The following NMT2 variants were observed in gnomAD, a reference collection of about 807,000 sequenced individuals.
NMT2 encodes the protein N-myristoyltransferase 2.
In NMT2, 35 loss-of-function variants were observed where a neutral mutation model predicts 65.4. That is an observed-to-expected ratio of 0.54 (90% CI 0.41 to 0.71). The LOEUF is 0.71. Among genes scored for constraint, NMT2 ranks in the 30% least tolerant of loss-of-function variants. The pLI is 0.00. For missense variants in NMT2, 489 were observed against 611.3 expected (o/e 0.80, Z 2.11); for synonymous variants, 226 against 231.8 (o/e 0.98, Z 0.23).
At chr10:15,141,349 A>G in intron 2 of NMT2, 73 bp downstream of exon 2, 1 of 1,550,610 alleles carries the variant, frequency 6.4e-7, no homozygotes, top group Non-Finnish European at 8.8e-7. Flanking sequence ...CTGATGCAGC[A>G]GCGCGCTAAA....
chr10:15,151,365 C>T (rs989480630), intron 1 of NMT2, among the ~76,000 whole-genome samples: 2 of 152,206 alleles, frequency 1.3e-5, no homozygotes, highest in South Asian at 4.2e-4. Flanking sequence ...CCAGCCTCCT[C>T]CTTTCATAAT....
intron 7 of NMT2, among the ~76,000 whole-genome samples, chr10:15,129,820 A>G (rs1846211578): frequency 6.6e-6 from 1 of 151,780 alleles, no homozygotes; most frequent in East Asian, 1.9e-4. Context: ...GAGGCAGGAG[A>G]ATCACTTGAA....
chr10:15,153,905 G>GC (rs368976953), intron 1 of NMT2, among the ~76,000 whole-genome samples: 1,905 of 152,018 alleles, frequency 0.013, 23 homozygotes, highest in Non-Finnish European at 0.019. Flanking sequence ...CACCCGCCTC[G>GC]CCCCCCAAAG....
At chr10:15,158,660 C>T (rs894813996) in intron 1 of NMT2, among the ~76,000 whole-genome samples, 3 of 152,166 alleles carry the variant, frequency 2.0e-5, no homozygotes, top group Non-Finnish European at 4.4e-5. Flanking sequence ...CAGGCAGACA[C>T]GCTGTGTTCT....
chr10:15,149,887 G>A (rs1244355464), intron 1 of NMT2, among the ~76,000 whole-genome samples: 1 of 152,144 alleles, frequency 6.6e-6, no homozygotes. Context: ...TCTCATTTAT[G>A]TACTTCCTTG....
intron 1 of NMT2, among the ~76,000 whole-genome samples, chr10:15,152,965 T>C (rs1234663791): frequency 6.6e-6 from 1 of 152,232 alleles, no homozygotes; most frequent in East Asian, 1.9e-4. Context: ...TGTCTACTAA[T>C]AGGGGATGGA....
chr10:15,154,164 T>C (rs1373962344), intron 1 of NMT2, among the ~76,000 whole-genome samples: 1 of 152,182 alleles, frequency 6.6e-6, no homozygotes, highest in African/African-American at 2.4e-5. Context: ...GCAGGTGCTG[T>C]GGGATGACTT....
chr10:15,152,884 G>C (rs1359230276), intron 1 of NMT2, among the ~76,000 whole-genome samples: 1 of 152,198 alleles, frequency 6.6e-6, no homozygotes, highest in African/African-American at 2.4e-5. Flanking sequence ...ATAGTCTGGA[G>C]AGGTGATACA....
At chr10:15,121,154 TC>T (rs1166877440) in intron 8 of NMT2, among the ~76,000 whole-genome samples, 1 of 151,868 alleles carries the variant, frequency 6.6e-6, no homozygotes, top group Non-Finnish European at 1.5e-5. Flanking sequence ...ACCTGATTTT[TC>T]CCCCCCTTGG....
intron 8 of NMT2, among the ~76,000 whole-genome samples, chr10:15,126,560 T>C (rs7091710): frequency 0.24 from 36,060 of 152,096 alleles, 9,171 homozygotes; most frequent in African/African-American, 0.65. Flanking sequence ...CTTTGATGAA[T>C]AAGCTGCCAT....
intron 1 of NMT2, among the ~76,000 whole-genome samples, chr10:15,150,308 T>C (rs1336462575): frequency 6.6e-6 from 1 of 152,196 alleles, no homozygotes; most frequent in Admixed American, 6.5e-5. Context: ...AATTCGATAA[T>C]GGATTTCACC....
chr10:15,158,898 C>T (rs1833093387), intron 1 of NMT2, among the ~76,000 whole-genome samples: 1 of 152,186 alleles, frequency 6.6e-6, no homozygotes, highest in South Asian at 2.1e-4. Context: ...TTCATGGGGA[C>T]TCCACCCTTG....
At chr10:15,140,947 G>T in intron 2 of NMT2, 3 of 1,521,270 alleles carry the variant, frequency 2.0e-6, no homozygotes, top group Non-Finnish European at 2.7e-6. Context: ...AAGAACGACC[G>T]CTGCAAACTG....
rs1309254113 is a variant in NMT2, at chr10:15,107,090, T to C, written c.*2105A>G. Among the ~76,000 whole-genome samples, 8 of 133,550 alleles carry C rather than the reference T, an allele frequency of 6.0e-5. No homozygotes were observed. The highest frequency in any genetic ancestry group is 3.3e-4 in the Admixed American group (4 of 11,942). The allele number at this position is 133,550 out of a possible 152,430, so 87.6% of individuals were successfully genotyped here. ...TGCCACTGTATTCTAGCCTGGACAA[T>C]AGAGTGAGACCCTGTCCTAAAAAAA... On this transcript the variant is annotated 3_prime_UTR_variant, in exon 12 of 12. Coordinates refer to ENST00000378165, the MANE Select transcript of NMT2 (RefSeq NM_004808.3).
intron 2 of NMT2, 133 bp downstream of exon 2, chr10:15,141,289 C>G: frequency 8.4e-7 from 1 of 1,184,120 alleles, no homozygotes; most frequent in Non-Finnish European, 1.2e-6. Flanking sequence ...TCAAGAGCTT[C>G]CAGTTACTAG....
rs185427184 is a variant in NMT2 at position 15,138,358 on chromosome 10, A to G, written c.247-2940T>C. The G allele has an allele frequency of 5.5e-4, 261 of 471,082 alleles. 2 individuals are homozygous for G. In the East Asian group the frequency reaches 0.015, roughly 27 times the overall value. The allele number at this position is 471,082 out of a possible 1,614,324, so 29.2% of individuals were successfully genotyped here. A position where few individuals can be genotyped will look rare whatever the true frequency, so the allele number is the denominator to read the frequency against. ...TAGATTCAAATAAACACAATTTCCA[A>G]ATCCACAGGGACAAAGCAGTAAGGG... On this transcript the variant is annotated intron_variant, in intron 2 of 11. Coordinates refer to ENST00000378165, the MANE Select transcript of NMT2 (RefSeq NM_004808.3).
At chr10:15,158,122 C>G (rs1156734607) in intron 1 of NMT2, among the ~76,000 whole-genome samples, 11 of 152,092 alleles carry the variant, frequency 7.2e-5, no homozygotes, top group African/African-American at 2.4e-5. Context: ...TCAAGACCAT[C>G]CTGGCCAACA....
At position 15,106,319 on chromosome 10, in the gene NMT2, A is replaced by C. The variant is rs2131444303; in HGVS notation, c.*2876T>G. 1 of 156,094 alleles carries C rather than the reference A, an allele frequency of 6.4e-6. No individual in the cohort carries two copies. The highest frequency in any genetic ancestry group is 1.7e-4 in the South Asian group (1 of 5,982). The allele number at this position is 156,094 out of a possible 1,614,324, so 9.7% of individuals were successfully genotyped here. Reference sequence around the variant, plus strand: ...TGATTCTGCAATTATTTGAAAACCTACTTTGTATAGACTTTGTGGCATGAA... The same window carrying C: ...TGATTCTGCAATTATTTGAAAACCTCCTTTGTATAGACTTTGTGGCATGAA... On this transcript the variant is annotated 3_prime_UTR_variant, in exon 12 of 12. Coordinates refer to ENST00000378165, the MANE Select transcript of NMT2 (RefSeq NM_004808.3).
intron 1 of NMT2, among the ~76,000 whole-genome samples, chr10:15,152,022 T>C (rs1052372293): frequency 5.3e-5 from 8 of 152,110 alleles, no homozygotes; most frequent in Non-Finnish European, 1.2e-4. Context: ...TAAAACTCTG[T>C]CTCAAAAACA....
Sources: gnomAD v4.1 joint callset for allele counts (sites outside exome capture counted in the v4.1 genomes callset) on GRCh38, gnomAD v4.1.1 for gene constraint, MANE v1.5 for transcripts, NCBI Gene and HGNC (gene_info 2026-07-23, HGNC 2026-07-21) for gene names.